PKP4: variants seen among roughly 807,000 people sequenced by gnomAD.
PKP4 encodes plakophilin-4.
In PKP4, 90 loss-of-function variants were observed where a neutral mutation model predicts 145.1. The ratio of observed to expected loss-of-function variants is 0.62; its 90% CI spans 0.52 to 0.74. The LOEUF is 0.74. PKP4 is among the 30% of genes least tolerant of loss of function. The pLI is 0.00. For synonymous variants in PKP4, 563 were observed against 577.2 expected, an observed-to-expected ratio of 0.98 and a Z score of 0.35; for missense variants, 1,340 against 1,482.7, an observed-to-expected ratio of 0.90 and a Z score of 1.58.
chr2:158,661,596 A>G (rs906823928), intron 13 of PKP4, 146 bp downstream of exon 13: 4 of 605,532 alleles, frequency 6.6e-6, no homozygotes, highest in African/African-American at 3.7e-5. Flanking sequence ...CAAGTCTCCA[A>G]AGTTACAGGG....
chr2:158,657,049 A>G (rs2056033921), intron 11 of PKP4, among the ~76,000 whole-genome samples: 1 of 152,102 alleles, frequency 6.6e-6, no homozygotes, highest in African/African-American at 2.4e-5. Context: ...CAAGGCCACA[A>G]ACGTTTTTGT....
At position 158,577,273 on chromosome 2, in the gene PKP4, G is replaced by A. The variant is rs774428232; in HGVS notation, c.135G>A (p.Glu45=). 3.7e-6 allele frequency: 6 copies of A among 1,608,222 alleles called. No homozygotes were observed. The African/African-American group carries it at 6.7e-5, about 18-fold the overall frequency. The change falls in exon 3 of 22, where the codon GAG becomes GAA. Residue 45 remains glutamate, a splice_region_variant and synonymous_variant. Transcript: ENST00000389759. ...CCTTTTATTTTCTTGAATCACAGGAGCTTCAGTTTCAGCGACTCACCCGAG... is the reference window on the plus strand; with the variant it reads ...CCTTTTATTTTCTTGAATCACAGGAACTTCAGTTTCAGCGACTCACCCGAG... The part of the protein sequence containing the change: ...TTILASVKEQ[E]LQFQRLTREL...
intron 1 of PKP4, among the ~76,000 whole-genome samples, chr2:158,503,630 ACTT>A (rs1447442762): frequency 6.6e-6 from 1 of 152,214 alleles, no homozygotes; most frequent in African/African-American, 2.4e-5. Flanking sequence ...ATTTTAAACA[ACTT>A]CTTTTTTATT....
At chr2:158,479,558 C>T (rs1240931099) in intron 1 of PKP4, among the ~76,000 whole-genome samples, 2 of 152,144 alleles carry the variant, frequency 1.3e-5, no homozygotes, top group Admixed American at 1.3e-4. Flanking sequence ...TGTAATTTAA[C>T]ATTTTTTAAT....
chr2:158,651,072 T>C (rs115152056), intron 11 of PKP4, among the ~76,000 whole-genome samples: 108 of 152,290 alleles, frequency 7.1e-4, no homozygotes, highest in Non-Finnish European at 1.2e-3. Flanking sequence ...CAGAGAAAGG[T>C]ATTTTTCTAT....
In PKP4 at chr2:158,590,320, T is replaced by A. The variant is rs1317214615; in HGVS notation, c.246-12750T>A. ...CAAGGAGGAATGTCTTGAGTGTGTG[T>A]GTGTGTGTGTGTGTGTGTGTGTGTG... On this transcript the variant is annotated intron_variant, in intron 3 of 21. Coordinates refer to ENST00000389759, the MANE Select transcript of PKP4 (RefSeq NM_003628.6). Among the ~76,000 whole-genome samples the A allele has an allele frequency of 5.4e-5, 6 of 111,224 alleles. No individual in the cohort carries two copies. In the Middle Eastern group the frequency reaches 0.015, roughly 281 times the overall value. The allele number at this position is 111,224 out of a possible 152,430, so 73.0% of individuals were successfully genotyped here.
intron 2 of PKP4, among the ~76,000 whole-genome samples, chr2:158,550,386 C>G (rs1178161743): frequency 6.6e-6 from 1 of 151,930 alleles, no homozygotes; most frequent in Non-Finnish European, 1.5e-5. Context: ...TGAGTTTTGA[C>G]AAATGAATGT....
At chr2:158,573,459 TG>T (rs2047578834) in intron 2 of PKP4, among the ~76,000 whole-genome samples, 1 of 152,170 alleles carries the variant, frequency 6.6e-6, no homozygotes, top group Admixed American at 6.5e-5. Flanking sequence ...GGGATTTTAT[TG>T]TATTTTAAAA....
intron 11 of PKP4, 64 bp downstream of exon 11, chr2:158,642,763 T>C: frequency 8.2e-7 from 1 of 1,217,820 alleles, no homozygotes; most frequent in Non-Finnish European, 1.2e-6. Flanking sequence ...TGTGCCCTTG[T>C]ATAGTGGCAC....
intron 1 of PKP4, among the ~76,000 whole-genome samples, chr2:158,507,086 T>C (rs1230257736): frequency 6.6e-6 from 1 of 152,236 alleles, no homozygotes; most frequent in Non-Finnish European, 1.5e-5. Flanking sequence ...ACTATTTTGT[T>C]CTTTCTTTTG....
chr2:158,462,138 G>A (rs1418307816), intron 1 of PKP4, among the ~76,000 whole-genome samples: 2 of 152,176 alleles, frequency 1.3e-5, no homozygotes, highest in African/African-American at 2.4e-5. Flanking sequence ...TGGCTAGGTG[G>A]TATCTGAAGT....
chr2:158,589,568 T>C (rs2049080749), intron 3 of PKP4, among the ~76,000 whole-genome samples: 1 of 152,196 alleles, frequency 6.6e-6, no homozygotes, highest in Admixed American at 6.5e-5. Flanking sequence ...ATTCCTGGTC[T>C]TTCACAAACA....
intron 1 of PKP4, among the ~76,000 whole-genome samples, chr2:158,531,236 A>G (rs745799388): frequency 2.2e-4 from 34 of 152,112 alleles, no homozygotes; most frequent in Admixed American, 6.5e-5. Flanking sequence ...CCCCAGTGAC[A>G]TTTCTGTTTC....
chr2:158,463,559 T>C (rs1448416258), intron 1 of PKP4, among the ~76,000 whole-genome samples: 1 of 152,212 alleles, frequency 6.6e-6, no homozygotes, highest in Non-Finnish European at 1.5e-5. Flanking sequence ...GTTCTAGTCC[T>C]GGCTTTGCCA....
intron 2 of PKP4, among the ~76,000 whole-genome samples, chr2:158,569,842 G>C (rs2047281913): frequency 1.3e-5 from 2 of 152,124 alleles, no homozygotes; most frequent in East Asian, 3.8e-4. Context: ...GGGTTGCTGT[G>C]ACTCTCCAAG....
intron 1 of PKP4, among the ~76,000 whole-genome samples, chr2:158,497,094 A>G (rs1695854863): frequency 6.6e-6 from 1 of 152,168 alleles, no homozygotes; most frequent in Non-Finnish European, 1.5e-5. Context: ...GAAGCAATTC[A>G]GCTTGGTTAA....
intron 2 of PKP4, among the ~76,000 whole-genome samples, chr2:158,545,055 C>A (rs962043177): frequency 6.9e-6 from 1 of 144,102 alleles, no homozygotes; most frequent in African/African-American, 2.6e-5. Context: ...AGAGAGCAGG[C>A]CTAACCTAAG....
chr2:158,484,117 G>A lies in PKP4; in HGVS notation c.-6+26899G>A, dbSNP rs535973510. On this transcript the variant is annotated intron_variant, in intron 1 of 21. Coordinates refer to ENST00000389759, the MANE Select transcript of PKP4 (RefSeq NM_003628.6). ...ACTGCAGTGGCAGTGGCGCAATCTC[G>A]GCTCACTGCAAGCTCCGCCTCCCGG... Among the ~76,000 whole-genome samples, 83 of 150,222 alleles carry A rather than the reference G, an allele frequency of 5.5e-4. 1 individual carries two copies. The highest frequency in any genetic ancestry group is 2.0e-3 in the African/African-American group (81 of 40,740).
At chr2:158,604,742 C>T (rs2050511891) in intron 4 of PKP4, among the ~76,000 whole-genome samples, 1 of 152,088 alleles carries the variant, frequency 6.6e-6, no homozygotes, top group African/African-American at 2.4e-5. Context: ...CAAGTGACAC[C>T]ACTCAATAAG....
Sources: gnomAD v4.1 joint callset for allele counts (sites outside exome capture counted in the v4.1 genomes callset) on GRCh38, gnomAD v4.1.1 for gene constraint, MANE v1.5 for transcripts, NCBI Gene and HGNC (gene_info 2026-07-23, HGNC 2026-07-21) for gene names.